Variants in FAS observed in about 807,000 individuals in gnomAD.
FAS encodes the protein Fas cell surface death receptor, also known as tumor necrosis factor receptor superfamily member 6.
FAS carries 5 observed loss-of-function variants against 33.2 expected under a neutral mutation model. The ratio of observed to expected loss-of-function variants is 0.15; its 90% CI spans 0.08 to 0.32. The LOEUF (loss-of-function observed/expected upper bound fraction) is 0.32, where lower values mean the gene tolerates loss of function less well. Ranked by LOEUF, FAS falls within the 10% of genes least tolerant of loss-of-function variation. FAS has a pLI of 1.00. For synonymous variants in FAS, 131 were observed against 130.7 expected, an observed-to-expected ratio of 1.00 and a Z score of -0.01; for missense variants, 339 against 386.0, an observed-to-expected ratio of 0.88 and a Z score of 1.02.
At chr10:89,007,193 A>C (rs558042452) in intron 2 of FAS, among the ~76,000 whole-genome samples, 1 of 152,346 alleles carries the variant, frequency 6.6e-6, no homozygotes, top group South Asian at 2.1e-4. Context: ...GCTGCTCAAG[A>C]TTTGACCAAG....
At chr10:88,964,771 G>C (rs897023475) in intron 1 of FAS, among the ~76,000 whole-genome samples, 1 of 152,088 alleles carries the variant, frequency 6.6e-6, no homozygotes, top group African/African-American at 2.4e-5. Context: ...TGTACCAACT[G>C]GTCTCCTTCC....
chr10:89,002,906 G>C (rs1286774104), intron 1 of FAS, 123 bp from the exon 2 acceptor site: 2 of 966,476 alleles, frequency 2.1e-6, no homozygotes, highest in Admixed American at 4.0e-5. Context: ...AAAGACAGTG[G>C]AGCCCTCACA....
rs1056653566 is a variant in FAS at position 89,015,791 on chromosome 10, G to A, written c.*1341G>A. 8.6e-6 allele frequency: 4 copies of A among 464,922 alleles called. No homozygotes were observed. Among genetic ancestry groups the A allele is most frequent in the South Asian group, 7.9e-5 (4 of 50,852 alleles). The allele number at this position is 464,922 out of a possible 1,614,324, so 28.8% of individuals were successfully genotyped here. ...ATTAAATAATGTTTTTGGTATTTCT[G>A]GTTTTCTCTTTTTTGGTAGGGGCTT... On this transcript the variant is annotated 3_prime_UTR_variant, in exon 9 of 9. Coordinates refer to ENST00000652046, the MANE Select transcript of FAS (RefSeq NM_000043.6).
chr10:89,010,861 A>G (rs535201532), intron 6 of FAS, 46 bp downstream of exon 6: 2 of 1,604,270 alleles, frequency 1.2e-6, no homozygotes, highest in East Asian at 4.5e-5. Flanking sequence ...TAACTTGGGA[A>G]GTAGTTCACA....
intron 1 of FAS, among the ~76,000 whole-genome samples, chr10:88,997,374 C>T (rs1847663801): frequency 6.6e-6 from 1 of 152,198 alleles, no homozygotes; most frequent in Non-Finnish European, 1.5e-5. Flanking sequence ...TAGGCTCATT[C>T]ATTTTATTTT....
chr10:88,998,673 G>A (rs1201578516), intron 1 of FAS, among the ~76,000 whole-genome samples: 1 of 152,212 alleles, frequency 6.6e-6, no homozygotes, highest in Non-Finnish European at 1.5e-5. Context: ...CTAGATGCAT[G>A]ACTGTGGGCC....
chr10:88,988,423 T>TG (rs1846976665), upstream of FAS, among the ~76,000 whole-genome samples: 1 of 76,162 alleles, frequency 1.3e-5, no homozygotes, highest in Admixed American at 1.2e-4. Flanking sequence ...GAAGTTTTTT[T>TG]TTTTTTTTGT....
At chr10:88,984,180 G>C (rs186912595), upstream of FAS, among the ~76,000 whole-genome samples, 1 of 152,272 alleles carries the variant, frequency 6.6e-6, no homozygotes, top group East Asian at 1.9e-4. Flanking sequence ...TTATAACATC[G>C]GGAGAATTTC....
intron 1 of FAS, chr10:89,002,805 A>G (rs1848003203): frequency 1.9e-6 from 1 of 534,622 alleles, no homozygotes; most frequent in Admixed American, 3.0e-5. Flanking sequence ...GGCTTCTATC[A>G]TTCATGGTGC....
Position 89,015,749 on chromosome 10 carries a change from A to G in FAS, c.*1299A>G, listed in dbSNP as rs1393495233. On this transcript the variant is annotated 3_prime_UTR_variant, in exon 9 of 9. Coordinates refer to ENST00000652046, the MANE Select transcript of FAS (RefSeq NM_000043.6). ...CCCCTTGTGTTTGGAATTATAAAAT[A>G]TAGGTAAAAGTACGTAATTAAATAA... The G allele has an allele frequency of 4.0e-6, 2 of 501,452 alleles. No individual in the cohort carries two copies. Among genetic ancestry groups the G allele is most frequent in the Admixed American group, 2.4e-5 (1 of 42,246 alleles). 31.1% of individuals were successfully genotyped at this position (501,452 alleles called of 1,614,324 possible). A position where few individuals can be genotyped will look rare whatever the true frequency, so the allele number is the denominator to read the frequency against.
Position 89,014,527 on chromosome 10 carries a change from C to A in FAS, c.*77C>A, listed in dbSNP as rs1333319367. ...GATTCTTAATAGCTGGCTGTAAATA[C>A]TGCTTGGTTTTTTACTGGGTACATT... On this transcript the variant is annotated 3_prime_UTR_variant, in exon 9 of 9. Transcript: ENST00000652046. 1 of 1,393,008 alleles carries A rather than the reference C, an allele frequency of 7.2e-7. No individual in the cohort carries two copies. Among genetic ancestry groups the A allele is most frequent in the Non-Finnish European group, 9.9e-7 (1 of 1,006,364 alleles). 86.3% of individuals were successfully genotyped at this position (1,393,008 alleles called of 1,614,324 possible). A position where few individuals can be genotyped will look rare whatever the true frequency, so the allele number is the denominator to read the frequency against.
intron 4 of FAS, among the ~76,000 whole-genome samples, chr10:89,009,271 A>G (rs565753474): frequency 9.2e-5 from 14 of 152,334 alleles, no homozygotes; most frequent in African/African-American, 3.1e-4. Flanking sequence ...AGCAATGGTT[A>G]TTGTGTTTCA....
chr10:89,007,583 T>G, intron 2 of FAS, 117 bp from the exon 3 acceptor site: 1 of 1,353,312 alleles, frequency 7.4e-7, no homozygotes, highest in Non-Finnish European at 1.0e-6. Flanking sequence ...CTCATTAGCC[T>G]ACCCCCCCTC....
At chr10:89,002,934 C>A in intron 1 of FAS, 95 bp from the exon 2 acceptor site, 1 of 1,340,244 alleles carries the variant, frequency 7.5e-7, no homozygotes, top group Non-Finnish European at 1.1e-6. Flanking sequence ...TGCCTGTGCA[C>A]AGCAGATACT....
At chr10:89,013,519 C>A in intron 8 of FAS, 152 bp downstream of exon 8, 1 of 750,628 alleles carries the variant, frequency 1.3e-6, no homozygotes, top group African/African-American at 1.8e-5. Flanking sequence ...AAGCATTTAT[C>A]AGGCAGTTTG....
At chr10:89,013,259 A>G (rs1213264294) in intron 7 of FAS, 84 bp from the exon 8 acceptor site, 1 of 1,351,468 alleles carries the variant, frequency 7.4e-7, no homozygotes, top group Non-Finnish European at 1.0e-6. Context: ...TTCTGAATTA[A>G]GGAAAAATTA....
chr10:89,000,649 T>C (rs1403305497), intron 1 of FAS, among the ~76,000 whole-genome samples: 1 of 152,192 alleles, frequency 6.6e-6, no homozygotes, highest in Non-Finnish European at 1.5e-5. Flanking sequence ...TTGAATTTTC[T>C]GGACCACCGT....
rs1462825595 is a variant in FAS, at chr10:89,016,026, T to C, written c.*1576T>C. The C allele has an allele frequency of 4.1e-6, 1 of 242,270 alleles. No homozygotes were observed. The highest frequency in any genetic ancestry group is 5.9e-5 in the East Asian group (1 of 16,938). The allele number at this position is 242,270 out of a possible 1,614,324, so 15.0% of individuals were successfully genotyped here. A position where few individuals can be genotyped will look rare whatever the true frequency, so the allele number is the denominator to read the frequency against. ...CAGTTTCGTATTCCAGATACTGGAATGTGGATAAGAAAGTATACATTTCAA... is the reference window on the plus strand; with the variant it reads ...CAGTTTCGTATTCCAGATACTGGAACGTGGATAAGAAAGTATACATTTCAA... On this transcript the variant is annotated 3_prime_UTR_variant, in exon 9 of 9. Coordinates refer to ENST00000652046, the MANE Select transcript of FAS (RefSeq NM_000043.6).
At chr10:88,984,800 C>A (rs1846827554), upstream of FAS, among the ~76,000 whole-genome samples, 1 of 152,194 alleles carries the variant, frequency 6.6e-6, no homozygotes, top group Non-Finnish European at 1.5e-5. Context: ...TTCTCACCTT[C>A]AGACCTGATC....
Sources: allele counts gnomAD v4.1 joint callset (sites outside exome capture counted in the v4.1 genomes callset), GRCh38; gene constraint gnomAD v4.1.1; transcripts MANE v1.5; gene names NCBI Gene and HGNC (gene_info 2026-07-23, HGNC 2026-07-21).